Variants in MPPE1 observed in about 807,000 individuals in gnomAD.
MPPE1 encodes metallophosphoesterase 1.
A neutral mutation model predicts 43.8 loss-of-function variants in MPPE1; 28 were observed. The ratio of observed to expected loss-of-function variants is 0.64; its 90% CI spans 0.47 to 0.88. The LOEUF (loss-of-function observed/expected upper bound fraction) is 0.88. Among genes scored for constraint, MPPE1 ranks in the 40% least tolerant of loss-of-function variants. The pLI is 0.00. For synonymous variants in MPPE1, 159 were observed against 188.5 expected, an observed-to-expected ratio of 0.84 and a Z score of 1.28; for missense variants, 428 against 492.2, an observed-to-expected ratio of 0.87 and a Z score of 1.23.
At chr18:11,898,840 C>T (rs1003048420) in intron 2 of MPPE1, among the ~76,000 whole-genome samples, 4 of 152,092 alleles carry the variant, frequency 2.6e-5, no homozygotes, top group African/African-American at 7.2e-5. Flanking sequence ...AAAACCCTAA[C>T]TTCTGAGATT....
intron 10 of MPPE1, chr18:11,885,141 T>G: frequency 1.0e-6 from 1 of 982,226 alleles, no homozygotes; most frequent in Non-Finnish European, 1.3e-6. Context: ...ACTTTGAATT[T>G]GAAAATGTTA....
At chr18:11,884,834 G>C (rs2277730) in intron 10 of MPPE1, 277,320 of 1,391,300 alleles carry the variant, frequency 0.2, 29,503 homozygotes, top group East Asian at 0.48. Context: ...GGAGAGACAA[G>C]TAAGGCCCAA....
At chr18:11,904,637 AAAGAT>A (rs1455963024) in intron 2 of MPPE1, among the ~76,000 whole-genome samples, 1 of 152,172 alleles carries the variant, frequency 6.6e-6, no homozygotes, top group Non-Finnish European at 1.5e-5. Flanking sequence ...TCATTTTTTA[AAAGAT>A]AAGAGTGGCT....
chr18:11,885,750 G>A lies in MPPE1; in HGVS notation c.934C>T (p.His312Tyr). Residue 312 changes from histidine to tyrosine, a missense_variant, in exon 10 of 11, where the codon CAC becomes TAC. His to Tyr is a moderately conservative substitution (Grantham distance 83). This residue lies in a region of MPPE1 where 379 missense variants were observed against 402.5 expected (regional missense o/e 0.94). Coordinates refer to ENST00000588072, the MANE Select transcript of MPPE1 (RefSeq NM_023075.6). ...CTGAGCTCGGGGACTCGGCCCCCGT[G>A]GTGCACCTCGCAGGCGCTGTGCGTG... ...GHTHSACEVHHGGRVPELSVP... is the reference protein window; with the variant it reads ...GHTHSACEVHYGGRVPELSVP... 6.2e-7 allele frequency: 1 copy of A among 1,614,038 alleles called. No individual in the cohort carries two copies. Among genetic ancestry groups the A allele is most frequent in the Non-Finnish European group, 8.5e-7 (1 of 1,179,946 alleles).
rs573756604 is a variant in MPPE1 at position 11,899,255 on chromosome 18, T to C, written c.-92-1899A>G. On this transcript the variant is annotated intron_variant, in intron 2 of 10. Transcript: ENST00000588072. ...ATTTACTGCAGTACCATAGTCTCAG[T>C]GAATGGTTTTGTCTGTGCAGTGGGC... Among the ~76,000 whole-genome samples the C allele has an allele frequency of 2.6e-5, 4 of 152,262 alleles. No individual in the cohort carries two copies. The South Asian group carries it at 8.3e-4, about 32-fold the overall frequency.
intron 6 of MPPE1, 42 bp from the exon 7 acceptor site, chr18:11,887,067 A>C (rs1389154179): frequency 6.9e-6 from 10 of 1,446,164 alleles, no homozygotes; most frequent in Non-Finnish European, 9.6e-6. Context: ...TGGGGGTATC[A>C]GTGCTTTCTT....
At position 11,885,593 on chromosome 18, in the gene MPPE1, G is replaced by A. The variant is rs570650637; in HGVS notation, c.1008+83C>T. ...TGTGTGGCTTTTGTAAATTTTGACC[G>A]ATTGCAGCAATTAAATAGTTGATTA... On this transcript the variant is annotated intron_variant, in intron 10 of 10. Transcript: ENST00000588072. 38 of 1,493,712 alleles carry A rather than the reference G, an allele frequency of 2.5e-5. No individual in the cohort carries two copies. The East Asian group carries it at 2.6e-4, about 10-fold the overall frequency. 92.5% of individuals were successfully genotyped at this position (1,493,712 alleles called of 1,614,324 possible).
intron 10 of MPPE1, chr18:11,885,132 C>CTT (rs2036993810): frequency 9.6e-7 from 1 of 1,036,514 alleles, no homozygotes; most frequent in Admixed American, 3.5e-5. Flanking sequence ...TTTTCATTTA[C>CTT]TTTGAATTTG....
Position 11,896,980 on chromosome 18 carries a change from T to C in MPPE1, c.281+4A>G, listed in dbSNP as rs1218998531. ...TTAGAAAGATTCCTGATTTTACCTC[T>C]TACCTTCGTAATTTGTCCAGCCAGT... On this transcript the variant is annotated splice_donor_region_variant and intron_variant, in intron 3 of 10. Transcript: ENST00000588072. 1.9e-6 allele frequency: 3 copies of C among 1,607,590 alleles called. No individual in the cohort carries two copies. Among genetic ancestry groups the C allele is most frequent in the Non-Finnish European group, 2.6e-6 (3 of 1,175,560 alleles).
At chr18:11,901,394 T>A (rs1348458388) in intron 2 of MPPE1, among the ~76,000 whole-genome samples, 1 of 151,826 alleles carries the variant, frequency 6.6e-6, no homozygotes, top group African/African-American at 2.4e-5. Context: ...CCACACCCAG[T>A]TAATTTTCAT....
intron 4 of MPPE1, among the ~76,000 whole-genome samples, chr18:11,890,237 T>C (rs566168809): frequency 7.3e-5 from 11 of 151,436 alleles, no homozygotes; most frequent in African/African-American, 2.7e-4. Flanking sequence ...CCACCACACT[T>C]GGCCATAATA....
At chr18:11,899,817 T>C (rs910338409) in intron 2 of MPPE1, among the ~76,000 whole-genome samples, 1 of 152,160 alleles carries the variant, frequency 6.6e-6, no homozygotes, top group Non-Finnish European at 1.5e-5. Context: ...ATGTCACACG[T>C]AGGCATGGAG....
At chr18:11,888,036 T>G (rs2037535613) in intron 6 of MPPE1, among the ~76,000 whole-genome samples, 1 of 152,168 alleles carries the variant, frequency 6.6e-6, no homozygotes, top group Non-Finnish European at 1.5e-5. Context: ...TCCCACCTGT[T>G]TTCTCCACCG....
Position 11,886,828 on chromosome 18 carries a change from A to G in MPPE1, c.679-50T>C, listed in dbSNP as rs1395630450. Reference sequence around the variant, plus strand: ...AATCCGCACACCTGACCCTCATCAAAGGGCAAGAAGCGCTAGGGGGCTGAG... The same window carrying G: ...AATCCGCACACCTGACCCTCATCAAGGGGCAAGAAGCGCTAGGGGGCTGAG... On this transcript the variant is annotated intron_variant, in intron 7 of 10. Coordinates refer to ENST00000588072, the MANE Select transcript of MPPE1 (RefSeq NM_023075.6). This position sits in a 1 kb window ranked among gnomAD's most constrained non-coding sequence, Gnocchi z 4.1. The G allele has an allele frequency of 1.9e-6, 3 of 1,600,698 alleles. No homozygotes were observed. The highest frequency in any genetic ancestry group is 2.6e-6 in the Non-Finnish European group (3 of 1,171,618).
In MPPE1 at chr18:11,885,733, G is replaced by A. The variant is rs200161280; in HGVS notation, c.951C>T (p.Pro317=). 3.3e-5 allele frequency: 53 copies of A among 1,613,934 alleles called. No homozygotes were observed. The highest frequency in any genetic ancestry group is 8.3e-5 in the Admixed American group (5 of 60,004). ...ACEVHHGGRV[P]ELSVPSFSWR... The stretch of plus-strand genomic sequence containing the variant: ...AACTGAAAGATGGGACGCTGAGCTC[G>A]GGGACTCGGCCCCCGTGGTGCACCT... Residue 317 remains proline, a synonymous_variant, in exon 10 of 11, where the codon CCC becomes CCT. Transcript: ENST00000588072.
chr18:11,894,360 G>A (rs571933072), intron 3 of MPPE1, among the ~76,000 whole-genome samples: 418 of 151,004 alleles, frequency 2.8e-3, no homozygotes, highest in African/African-American at 9.4e-3. Context: ...CCCAGGAGGC[G>A]GAGGTTGCAG....
chr18:11,896,975 A>C lies in MPPE1; in HGVS notation c.281+9T>G, dbSNP rs1598558399. ...GAATTTTAGAAAGATTCCTGATTTT[A>C]CCTCTTACCTTCGTAATTTGTCCAG... On this transcript the variant is annotated intron_variant, in intron 3 of 10. Transcript: ENST00000588072. 2 of 1,604,086 alleles carry C rather than the reference A, an allele frequency of 1.2e-6. No individual in the cohort carries two copies. The highest frequency in any genetic ancestry group is 1.7e-6 in the Non-Finnish European group (2 of 1,173,736).
At chr18:11,888,637 A>G in intron 6 of MPPE1, 32 bp downstream of exon 6, 1 of 1,386,186 alleles carries the variant, frequency 7.2e-7, no homozygotes, top group Non-Finnish European at 1.0e-6. Flanking sequence ...CAAGGACTAA[A>G]GGTCTTGGAA....
At chr18:11,904,818 G>A (rs938165476) in intron 2 of MPPE1, among the ~76,000 whole-genome samples, 19 of 151,918 alleles carry the variant, frequency 1.3e-4, no homozygotes, top group Admixed American at 7.9e-4. Context: ...TTGAGTGAGC[G>A]TGTAATCTCA....
Sources: allele counts gnomAD v4.1 joint callset (sites outside exome capture counted in the v4.1 genomes callset), GRCh38; gene constraint gnomAD v4.1.1; regional missense constraint gnomAD v4.1.1; non-coding constraint Gnocchi (gnomAD v3.1); transcripts MANE v1.5; gene names NCBI Gene and HGNC (gene_info 2026-07-23, HGNC 2026-07-21).